The following AK9 variants were observed in gnomAD, a reference collection of about 807,000 sequenced individuals.
AK9 encodes the protein adenylate kinase domain containing 1.
In AK9, 191 loss-of-function variants were observed where a neutral mutation model predicts 239.6. The observed-to-expected ratio is 0.80, with a 90% CI of 0.71 to 0.90. AK9 has a LOEUF of 0.90. Among genes scored for constraint, AK9 ranks in the 40% least tolerant of loss-of-function variants. The pLI, the probability that AK9 is intolerant of heterozygous loss-of-function variation, is 0.00. For missense variants in AK9, 1,995 were observed against 2,214.7 expected, an observed-to-expected ratio of 0.90 and a Z score of 1.99; for synonymous variants, 689 against 721.0, an observed-to-expected ratio of 0.96 and a Z score of 0.71.
intron 12 of AK9, among the ~76,000 whole-genome samples, chr6:109,628,130 T>C (rs538977597): frequency 3.3e-5 from 5 of 152,262 alleles, no homozygotes; most frequent in Admixed American, 6.5e-5. Context: ...AGGGATGGCC[T>C]TTACAGTGTG....
rs138106785 is a variant in AK9 at position 109,529,030 on chromosome 6, C to A, written c.3614G>T (p.Arg1205Ile). ...ACTTACCTCCCTCCTTTTTTTATCT[C>A]TCTCTAATATAAGTTCAGCCCTTCT... ...AKRRAELILE[R>I]DKKRRENVVR... The change falls in exon 29 of 41, where the codon AGA (arginine) becomes ATA (isoleucine). Residue 1205 changes from arginine (R) to isoleucine (I), a missense_variant. Physicochemically the swap from Arg to Ile is moderately conservative, Grantham distance 97 (BLOSUM62 -3). Around this residue, in one of 5 missense-constraint regions of AK9, gnomAD observed 1,290 missense variants for 1,392.7 expected, o/e 0.93. Coordinates refer to ENST00000424296, the MANE Select transcript of AK9 (RefSeq NM_001145128.3). The A allele has an allele frequency of 8.0e-4, 1,283 of 1,595,892 alleles. 1 individual carries two copies. Among genetic ancestry groups the A allele is most frequent in the Non-Finnish European group, 9.8e-4 (1,149 of 1,174,758 alleles).
Position 109,610,512 on chromosome 6 carries a change from G to C in AK9, c.1695C>G (p.Ala565=). ...CCTCTTCTATCAAGTCTTCTGTTGG[G>C]GCTAAAGTAAAATAAGCTGATAAAT... ...SQDVKLYSDT[A]PTEDLIEEVT... Residue 565 remains alanine (A), a splice_region_variant and synonymous_variant, in exon 17 of 41, where the codon GCC becomes GCG. Coordinates refer to ENST00000424296, the MANE Select transcript of AK9 (RefSeq NM_001145128.3). 1 of 1,549,236 alleles carries C rather than the reference G, an allele frequency of 6.5e-7. No homozygotes were observed.
Position 109,614,494 on chromosome 6 carries a change from A to T in AK9, c.1400-14T>A. 6.5e-7 allele frequency: 1 copy of T among 1,547,348 alleles called. No individual in the cohort carries two copies. Among genetic ancestry groups the T allele is most frequent in the African/African-American group, 1.4e-5 (1 of 73,032 alleles). On this transcript the variant is annotated splice_polypyrimidine_tract_variant and intron_variant, in intron 13 of 40. Transcript: ENST00000424296. ...AAGCTGTTTCAGCTGAAATATAACA[A>T]TGGGTGGTGTTAGCAAAACGTAGTT...
At chr6:109,630,141 T>C (rs540624847) in intron 12 of AK9, among the ~76,000 whole-genome samples, 21 of 152,116 alleles carry the variant, frequency 1.4e-4, no homozygotes, top group African/African-American at 4.6e-4. Context: ...TACAAGATAA[T>C]AGAGAGAAGT....
intron 19 of AK9, among the ~76,000 whole-genome samples, chr6:109,583,564 C>A (rs1235624599): frequency 6.6e-6 from 1 of 152,016 alleles, no homozygotes; most frequent in Non-Finnish European, 1.5e-5. Context: ...TTTTGAAAAA[C>A]TCATGTTGAA....
At chr6:109,638,284 A>C (rs1298169365) in intron 10 of AK9, among the ~76,000 whole-genome samples, 1 of 152,064 alleles carries the variant, frequency 6.6e-6, no homozygotes, top group Non-Finnish European at 1.5e-5. Flanking sequence ...TATTTTTCCC[A>C]GCCTCTGTTC....
At chr6:109,502,652 G>A (rs148663229) in intron 35 of AK9, among the ~76,000 whole-genome samples, 1 of 152,258 alleles carries the variant, frequency 6.6e-6, no homozygotes, top group East Asian at 1.9e-4. Flanking sequence ...ACAAAAGATG[G>A]ACACTCTTTC....
chr6:109,512,942 T>C (rs1173789815), intron 32 of AK9, among the ~76,000 whole-genome samples: 1 of 152,238 alleles, frequency 6.6e-6, no homozygotes, highest in African/African-American at 2.4e-5. Context: ...TGGCTCACTG[T>C]AGCCTCAATT....
At chr6:109,653,810 A>G (rs1799319253) in intron 8 of AK9, among the ~76,000 whole-genome samples, 1 of 152,106 alleles carries the variant, frequency 6.6e-6, no homozygotes, top group Admixed American at 6.5e-5. Flanking sequence ...TTGGGATTAC[A>G]GGCATGAGCC....
At chr6:109,552,181 CAT>C (rs1225632341) in intron 24 of AK9, among the ~76,000 whole-genome samples, 2 of 152,152 alleles carry the variant, frequency 1.3e-5, no homozygotes. Context: ...CGACAATAAA[CAT>C]ATGTGTGCTT....
chr6:109,605,980 AG>A (rs1316336777), intron 17 of AK9, among the ~76,000 whole-genome samples: 1 of 151,900 alleles, frequency 6.6e-6, no homozygotes, highest in Non-Finnish European at 1.5e-5. Context: ...GGTGAGGACA[AG>A]GGCCCCTGAG....
At chr6:109,656,527 C>T (rs1313557728) in intron 8 of AK9, among the ~76,000 whole-genome samples, 1 of 152,116 alleles carries the variant, frequency 6.6e-6, no homozygotes, top group Non-Finnish European at 1.5e-5. Context: ...TTGAAAAATG[C>T]AGTTCATTTG....
At chr6:109,519,417 A>G (rs1389430318) in intron 29 of AK9, among the ~76,000 whole-genome samples, 1 of 152,164 alleles carries the variant, frequency 6.6e-6, no homozygotes, top group Non-Finnish European at 1.5e-5. Context: ...TGGCTCAGCT[A>G]ATTTACATTC....
rs567854728 is a variant in AK9 at position 109,537,959 on chromosome 6, A to G, written c.3350+4088T>C. Among the ~76,000 whole-genome samples the G allele has an allele frequency of 3.9e-5, 6 of 152,240 alleles. No homozygotes were observed. The South Asian group carries it at 8.3e-4, about 21-fold the overall frequency. On this transcript the variant is annotated intron_variant, in intron 27 of 40. Coordinates refer to ENST00000424296, the MANE Select transcript of AK9 (RefSeq NM_001145128.3). ...CTGAGTTCTAGTTTGATTGCACTGT[A>G]GTCTGAGAGACAGTTTGTTATAATT...
At chr6:109,564,980 TA>T in intron 21 of AK9, 135 bp from the exon 22 acceptor site, 1 of 572,042 alleles carries the variant, frequency 1.7e-6, no homozygotes, top group Non-Finnish European at 2.8e-6. Context: ...AAGTTCTTGT[TA>T]GGGAAAGAAC....
At chr6:109,598,535 C>T (rs1050692673) in intron 17 of AK9, among the ~76,000 whole-genome samples, 18 of 152,234 alleles carry the variant, frequency 1.2e-4, no homozygotes, top group Non-Finnish European at 1.9e-4. Flanking sequence ...AATAAATCTA[C>T]GTGTGCATGT....
chr6:109,554,625 A>G (rs1200086745), intron 24 of AK9, among the ~76,000 whole-genome samples: 4 of 141,890 alleles, frequency 2.8e-5, no homozygotes, highest in Non-Finnish European at 6.0e-5. Context: ...TCCACCTCCC[A>G]GGCTCAAGCT....
chr6:109,605,174 G>T (rs1487459602), intron 17 of AK9, among the ~76,000 whole-genome samples: 1 of 152,072 alleles, frequency 6.6e-6, no homozygotes, highest in African/African-American at 2.4e-5. Flanking sequence ...GGGCATGGTG[G>T]CAAGTAGTCC....
intron 9 of AK9, among the ~76,000 whole-genome samples, chr6:109,643,152 G>T (rs879338989): frequency 4.6e-5 from 7 of 152,160 alleles, no homozygotes; most frequent in Non-Finnish European, 8.8e-5. Flanking sequence ...GTGATCTGTT[G>T]TGTCAAATGC....
Sources: allele counts gnomAD v4.1 joint callset (sites outside exome capture counted in the v4.1 genomes callset), GRCh38; gene constraint gnomAD v4.1.1; regional missense constraint gnomAD v4.1.1; transcripts MANE v1.5; gene names NCBI Gene and HGNC (gene_info 2026-07-23, HGNC 2026-07-21).